The following RALYL variants were observed in gnomAD, a reference collection of about 807,000 sequenced individuals.
RALYL encodes RALY RNA binding protein like.
In RALYL, 29 loss-of-function variants were observed where a neutral mutation model predicts 35.1. That is an observed-to-expected ratio of 0.83 (90% CI 0.61 to 1.13). The LOEUF (loss-of-function observed/expected upper bound fraction) is 1.13, where lower values mean the gene tolerates loss of function less well. Among genes scored for constraint, RALYL ranks in the 50% most tolerant of loss-of-function variants. The probability of loss-of-function intolerance (pLI) is 0.00; values close to 1 mark genes in which losing one functional copy is unlikely to be tolerated. For missense variants in RALYL, 359 were observed against 360.4 expected (o/e 1.00, Z 0.03); for synonymous variants, 120 against 127.6 (o/e 0.94, Z 0.40).
intron 2 of RALYL, among the ~76,000 whole-genome samples, chr8:84,693,799 G>A (rs1431712689): frequency 1.3e-5 from 2 of 151,838 alleles, no homozygotes; most frequent in Non-Finnish European, 2.9e-5. Context: ...TGGGATATAA[G>A]AATCATTCAA....
At chr8:84,237,791 G>A (rs1158106843) in intron 1 of RALYL, among the ~76,000 whole-genome samples, 1 of 152,060 alleles carries the variant, frequency 6.6e-6, no homozygotes, top group Non-Finnish European at 1.5e-5. Flanking sequence ...TTAAGCATTT[G>A]CATATGTGAA....
chr8:84,486,460 T>C (rs1045171864), intron 1 of RALYL, among the ~76,000 whole-genome samples: 5 of 152,040 alleles, frequency 3.3e-5, no homozygotes, highest in Non-Finnish European at 5.9e-5. Flanking sequence ...CTCTGCATAC[T>C]GTCAATGACT....
At chr8:84,426,680 G>A (rs1241310087) in intron 1 of RALYL, among the ~76,000 whole-genome samples, 1 of 151,988 alleles carries the variant, frequency 6.6e-6, no homozygotes, top group African/African-American at 2.4e-5. Context: ...TTTTTCAAAA[G>A]AAGACATTGA....
At chr8:84,360,240 CT>C (rs1432053784) in intron 1 of RALYL, among the ~76,000 whole-genome samples, 1 of 152,146 alleles carries the variant, frequency 6.6e-6, no homozygotes, top group African/African-American at 2.4e-5. Context: ...TTAGAGATTA[CT>C]TTTTGCAGCT....
chr8:84,850,934 C>T (rs1049468147), intron 5 of RALYL, among the ~76,000 whole-genome samples: 2 of 152,136 alleles, frequency 1.3e-5, no homozygotes, highest in Admixed American at 6.5e-5. Context: ...TCACTTATGT[C>T]GATAAGTTTG....
intron 1 of RALYL, among the ~76,000 whole-genome samples, chr8:84,518,242 A>G (rs922440267): frequency 6.6e-6 from 1 of 152,178 alleles, no homozygotes; most frequent in African/African-American, 2.4e-5. Context: ...AAGCTTAAAC[A>G]TTAGCTTTTA....
intron 2 of RALYL, among the ~76,000 whole-genome samples, chr8:84,536,053 C>T (rs2059585788): frequency 1.3e-5 from 2 of 152,100 alleles, no homozygotes; most frequent in Non-Finnish European, 2.9e-5. Context: ...GGAAATAAAA[C>T]TCAGTAAGTG....
chr8:84,261,107 G>GTT (rs1424966634), intron 1 of RALYL, among the ~76,000 whole-genome samples: 31,632 of 148,426 alleles, frequency 0.21, 3,893 homozygotes, highest in Non-Finnish European at 0.29. Context: ...TTATTTACAG[G>GTT]TTTTTTTTTT....
intron 1 of RALYL, among the ~76,000 whole-genome samples, chr8:84,266,390 C>T (rs139407053): frequency 2.6e-4 from 39 of 152,328 alleles, no homozygotes; most frequent in Non-Finnish European, 4.3e-4. Context: ...AAGGAAACTT[C>T]AGAGCTCCAA....
At chr8:84,565,448 A>G (rs1160593909) in intron 2 of RALYL, among the ~76,000 whole-genome samples, 1 of 151,596 alleles carries the variant, frequency 6.6e-6, no homozygotes. Flanking sequence ...TAGTTTCTGA[A>G]GAGAATTCCT....
At chr8:84,730,464 A>G (rs1450616728) in intron 2 of RALYL, among the ~76,000 whole-genome samples, 1 of 151,950 alleles carries the variant, frequency 6.6e-6, no homozygotes, top group Non-Finnish European at 1.5e-5. Flanking sequence ...ATTCCCTTTG[A>G]AAACTGGCAC....
chr8:84,223,908 G>T (rs1823160219), intron 1 of RALYL, among the ~76,000 whole-genome samples: 1 of 152,228 alleles, frequency 6.6e-6, no homozygotes, highest in African/African-American at 2.4e-5. Flanking sequence ...AAGTTGAGAT[G>T]AAAAGGAATC....
chr8:84,292,608 C>T (rs1372437689), intron 1 of RALYL, among the ~76,000 whole-genome samples: 1 of 152,096 alleles, frequency 6.6e-6, no homozygotes, highest in Non-Finnish European at 1.5e-5. Context: ...AGTAAAGAAG[C>T]TGGCCAAAAC....
In RALYL at chr8:84,341,547, T is replaced by C. The variant is rs561471861; in HGVS notation, c.-24+157123T>C. ...TGTATCGGTATCGCATTTATATATC[T>C]ACAATTCTGTTATAACATACCATTT... is the stretch of plus-strand genomic sequence containing the variant. On this transcript the variant is annotated intron_variant, in intron 1 of 8. Transcript: ENST00000521268. 3.1e-3 allele frequency among the ~76,000 whole-genome samples: 467 copies of C among 152,156 alleles called. 10 individuals are homozygous for C. The South Asian group carries it at 0.041, about 13-fold the overall frequency.
chr8:84,507,490 G>T (rs1220886705), intron 1 of RALYL, among the ~76,000 whole-genome samples: 4 of 152,068 alleles, frequency 2.6e-5, no homozygotes, highest in South Asian at 2.1e-4. Context: ...TGTAGCATCT[G>T]GTTAGTATGT....
intron 5 of RALYL, among the ~76,000 whole-genome samples, chr8:84,852,254 T>G (rs536403818): frequency 1.1e-4 from 16 of 152,212 alleles, no homozygotes; most frequent in Non-Finnish European, 2.4e-4. Context: ...ATTAAGCAAC[T>G]TATTTCACTA....
chr8:84,834,363 T>A (rs1197535531), intron 4 of RALYL, among the ~76,000 whole-genome samples: 1 of 152,194 alleles, frequency 6.6e-6, no homozygotes, highest in South Asian at 2.1e-4. Context: ...AGGGTTGAGA[T>A]GCAAATCTCA....
chr8:84,795,007 A>C (rs529116662), intron 3 of RALYL, among the ~76,000 whole-genome samples: 2 of 152,348 alleles, frequency 1.3e-5, no homozygotes, highest in African/African-American at 4.8e-5. Flanking sequence ...TTAGCAGCCC[A>C]GATGGTGGTA....
intron 1 of RALYL, among the ~76,000 whole-genome samples, chr8:84,522,460 G>T (rs867046040): frequency 1.3e-5 from 2 of 151,414 alleles, no homozygotes; most frequent in African/African-American, 2.4e-5. Flanking sequence ...CGTTTTAGCC[G>T]GGATAGTCTC....
Sources: allele counts gnomAD v4.1 joint callset (sites outside exome capture counted in the v4.1 genomes callset), GRCh38; gene constraint gnomAD v4.1.1; transcripts MANE v1.5; gene names NCBI Gene and HGNC (gene_info 2026-07-23, HGNC 2026-07-21).